Variants in COBLL1 observed in about 807,000 individuals in gnomAD.
The protein encoded by COBLL1 is cordon-bleu WH2 repeat protein like 1.
In COBLL1, 50 loss-of-function variants were observed where a neutral mutation model predicts 94.8. That is an observed-to-expected ratio of 0.53 (90% CI 0.42 to 0.67). The LOEUF is 0.67. Among genes scored for constraint, COBLL1 ranks in the 30% least tolerant of loss-of-function variants. The pLI is 0.00. For missense variants in COBLL1, 1,362 were observed against 1,348.7 expected (o/e 1.01, Z -0.15); for synonymous variants, 448 against 473.8 (o/e 0.95, Z 0.71).
intron 2 of COBLL1, among the ~76,000 whole-genome samples, chr2:164,775,018 T>C (rs545709820): frequency 6.6e-6 from 1 of 152,184 alleles, no homozygotes; most frequent in South Asian, 2.1e-4. Flanking sequence ...GATGTTCAGG[T>C]TAGCACGGCA....
intron 8 of COBLL1, 54 bp downstream of exon 8, chr2:164,704,898 C>G: frequency 6.8e-7 from 1 of 1,464,970 alleles, no homozygotes; most frequent in Admixed American, 2.4e-5. Context: ...TTCCTACTGT[C>G]CATATTAAAC....
chr2:164,771,657 G>T (rs1688209970), intron 2 of COBLL1, among the ~76,000 whole-genome samples: 1 of 151,944 alleles, frequency 6.6e-6, no homozygotes, highest in Non-Finnish European at 1.5e-5. Flanking sequence ...ATGGAGACAG[G>T]TTTAGAAAGC....
At chr2:164,703,245 A>C in intron 9 of COBLL1, 1 of 1,509,314 alleles carries the variant, frequency 6.6e-7, no homozygotes, top group Non-Finnish European at 9.2e-7. Flanking sequence ...GAATCTGTAG[A>C]AATGGCACTT....
intron 13 of COBLL1, among the ~76,000 whole-genome samples, chr2:164,691,719 A>G (rs1269803375): frequency 6.6e-6 from 1 of 152,144 alleles, no homozygotes; most frequent in African/African-American, 2.4e-5. Context: ...TTGGCAGGAC[A>G]TTACTAAGAT....
At chr2:164,748,291 C>T (rs1399895628) in intron 2 of COBLL1, among the ~76,000 whole-genome samples, 1 of 152,122 alleles carries the variant, frequency 6.6e-6, no homozygotes, top group African/African-American at 2.4e-5. Context: ...ACTTATTTGA[C>T]CTTTTAGTCA....
intron 2 of COBLL1, among the ~76,000 whole-genome samples, chr2:164,663,093 G>A (rs1318281833): frequency 3.3e-5 from 5 of 152,094 alleles, no homozygotes; most frequent in Non-Finnish European, 5.9e-5. Flanking sequence ...TAGTCAATAT[G>A]TAAAAACTTC....
intron 2 of COBLL1, among the ~76,000 whole-genome samples, chr2:164,788,905 T>G (rs1574590756): frequency 6.7e-6 from 1 of 148,772 alleles, no homozygotes; most frequent in Non-Finnish European, 1.5e-5. Flanking sequence ...TAGAAAAGGG[T>G]TAGTTGGAAA....
intron 2 of COBLL1, among the ~76,000 whole-genome samples, chr2:164,783,250 A>G (rs1220982392): frequency 6.6e-6 from 1 of 152,086 alleles, no homozygotes; most frequent in Non-Finnish European, 1.5e-5. Context: ...AAAAATAAAT[A>G]TTAGAAAAAA....
At chr2:164,829,984 GA>G (rs968386877) in intron 2 of COBLL1, among the ~76,000 whole-genome samples, 6 of 151,992 alleles carry the variant, frequency 3.9e-5, no homozygotes, top group African/African-American at 9.7e-5. Flanking sequence ...TCCACATTCT[GA>G]AAAAAAGAGA....
intron 7 of COBLL1, among the ~76,000 whole-genome samples, chr2:164,716,499 G>A (rs1418819550): frequency 6.6e-6 from 1 of 152,172 alleles, no homozygotes; most frequent in Non-Finnish European, 1.5e-5. Flanking sequence ...AAAATGACAT[G>A]AGACTTGAAA....
intron 2 of COBLL1, among the ~76,000 whole-genome samples, chr2:164,765,714 A>G (rs1332627234): frequency 1.3e-5 from 2 of 152,172 alleles, no homozygotes; most frequent in Admixed American, 1.3e-4. Flanking sequence ...CTTATGCTCT[A>G]TGGTATATAT....
At chr2:164,818,975 T>G (rs565487969) in intron 2 of COBLL1, among the ~76,000 whole-genome samples, 71 of 151,842 alleles carry the variant, frequency 4.7e-4, no homozygotes, top group African/African-American at 1.7e-3. Flanking sequence ...TTCATCATGT[T>G]ATCCAGACTG....
chr2:164,740,019 C>G (rs756680909), intron 3 of COBLL1, among the ~76,000 whole-genome samples: 1 of 152,146 alleles, frequency 6.6e-6, no homozygotes, highest in Non-Finnish European at 1.5e-5. Context: ...AATCACACTC[C>G]TAAGATATTC....
chr2:164,712,264 G>A (rs952375213), intron 7 of COBLL1, among the ~76,000 whole-genome samples: 10 of 151,974 alleles, frequency 6.6e-5, no homozygotes, highest in Admixed American at 3.3e-4. Context: ...GAATACATAT[G>A]GAAAATAAAA....
At chr2:164,700,432 ATTTATG>A in intron 10 of COBLL1, 84 bp downstream of exon 10, 1 of 793,716 alleles carries the variant, frequency 1.3e-6, no homozygotes, top group South Asian at 1.8e-5. Flanking sequence ...GGCTGACTAT[ATTTATG>A]TTTAAAATAT....
At chr2:164,692,140 C>G (rs1683634572) in intron 13 of COBLL1, 81 bp downstream of exon 13, 7 of 1,298,990 alleles carry the variant, frequency 5.4e-6, no homozygotes, top group Non-Finnish European at 7.2e-6. Context: ...GATTTACATG[C>G]TAGAAAAATT....
chr2:164,812,072 A>C (rs1392002511), intron 2 of COBLL1, among the ~76,000 whole-genome samples: 1 of 151,982 alleles, frequency 6.6e-6, no homozygotes, highest in Non-Finnish European at 1.5e-5. Context: ...CTGAAAAAAA[A>C]AATACTTTTT....
rs537670135 is a variant in COBLL1, at chr2:164,841,598, C to G, written c.-51+112G>C. ...ACGGGCACCGCTGCCACGCCGGCAG[C>G]GCACTCCCAGGCTCCTCCGGCCGAG... On this transcript the variant is annotated intron_variant, in intron 1 of 13. Transcript: ENST00000652658. The surrounding 1 kb of genome is among the most constrained non-coding windows in gnomAD (Gnocchi z 5.5). 935 of 410,010 alleles carry G rather than the reference C, an allele frequency of 2.3e-3. 8 individuals carry two copies. The highest frequency in any genetic ancestry group is 0.018 in the African/African-American group (873 of 47,808). The allele number at this position is 410,010 out of a possible 1,614,324, so 25.4% of individuals were successfully genotyped here. A position where few individuals can be genotyped will look rare whatever the true frequency, so the allele number is the denominator to read the frequency against.
chr2:164,743,851 T>C lies in COBLL1; in HGVS notation c.66A>G (p.Pro22=), dbSNP rs1216884422. ...TATATTTGGTCTCAGCTGGAGGAAG[T>C]GGTGCCTTGGCTTTTGGTTTTCTCC... ...PARRKPKAKA[P]LPPAETKYTD... The change falls in exon 3 of 14, where the codon CCA becomes CCG. Residue 22 remains proline (P), a synonymous_variant. Coordinates refer to ENST00000652658, the MANE Select transcript of COBLL1 (RefSeq NM_001365672.2). 1.9e-6 allele frequency: 3 copies of C among 1,565,486 alleles called. No individual in the cohort carries two copies. Among genetic ancestry groups the C allele is most frequent in the Middle Eastern group, 1.7e-4 (1 of 5,864 alleles).
Sources: gnomAD v4.1 joint callset for allele counts (sites outside exome capture counted in the v4.1 genomes callset) on GRCh38, gnomAD v4.1.1 for gene constraint, Gnocchi (gnomAD v3.1) non-coding constraint, MANE v1.5 for transcripts, NCBI Gene and HGNC (gene_info 2026-07-23, HGNC 2026-07-21) for gene names.